NRXN1: variants seen among roughly 807,000 people sequenced by gnomAD.
NRXN1 encodes neurexin 1, also known as neurexin-1.
A neutral mutation model predicts 150.9 loss-of-function variants in NRXN1; 39 were observed. The ratio of observed to expected loss-of-function variants is 0.26; its 90% CI spans 0.20 to 0.34. The LOEUF (loss-of-function observed/expected upper bound fraction) is 0.34, where lower values mean the gene tolerates loss of function less well. Among genes scored for constraint, NRXN1 ranks in the 10% least tolerant of loss-of-function variants. The pLI, the probability that NRXN1 is intolerant of heterozygous loss-of-function variation, is 1.00. For missense variants in NRXN1, 1,815 were observed against 1,949.9 expected, an observed-to-expected ratio of 0.93 and a Z score of 1.30; for synonymous variants, 924 against 757.0, an observed-to-expected ratio of 1.22 and a Z score of -3.62.
At chr2:51,009,337 G>T (rs548352328) in intron 2 of NRXN1, 1 of 151,938 alleles carries the variant, frequency 6.6e-6, no homozygotes, top group Admixed American at 6.6e-5. Context: ...AAAATTTTAT[G>T]CAACAAATGC....
intron 17 of NRXN1, among the ~76,000 whole-genome samples, chr2:50,452,148 G>T (rs986394034): frequency 6.6e-6 from 1 of 152,120 alleles, no homozygotes; most frequent in African/African-American, 2.4e-5. Flanking sequence ...CTGTGTCTCA[G>T]GATTAATTCA....
At chr2:51,011,742 C>G (rs1667909948) in intron 2 of NRXN1, among the ~76,000 whole-genome samples, 1 of 151,952 alleles carries the variant, frequency 6.6e-6, no homozygotes, top group East Asian at 1.9e-4. Context: ...AAGTGCTTGC[C>G]TGCCATTCTT....
intron 17 of NRXN1, among the ~76,000 whole-genome samples, chr2:50,456,926 A>G (rs1322709785): frequency 6.6e-6 from 1 of 152,172 alleles, no homozygotes; most frequent in African/African-American, 2.4e-5. Context: ...TTTGGTGCAC[A>G]TTCATTGGTC....
At chr2:50,401,163 T>C (rs944077178) in intron 17 of NRXN1, among the ~76,000 whole-genome samples, 10 of 152,214 alleles carry the variant, frequency 6.6e-5, no homozygotes, top group African/African-American at 2.4e-4. Context: ...GCGCTTTGTT[T>C]AGGCCTTCAG....
chr2:50,864,335 C>A (rs2106050865), intron 5 of NRXN1, among the ~76,000 whole-genome samples: 1 of 152,104 alleles, frequency 6.6e-6, no homozygotes, highest in Non-Finnish European at 1.5e-5. Context: ...TGAACTTCAG[C>A]CTGATTTCAA....
At chr2:50,662,356 C>G (rs72837011) in intron 5 of NRXN1, among the ~76,000 whole-genome samples, 1 of 151,862 alleles carries the variant, frequency 6.6e-6, no homozygotes, top group Non-Finnish European at 1.5e-5. Context: ...GCTCCACTTT[C>G]CTATCTTCAA....
chr2:50,293,921 T>C (rs1209784472), intron 17 of NRXN1, among the ~76,000 whole-genome samples: 1 of 152,214 alleles, frequency 6.6e-6, no homozygotes, highest in South Asian at 2.1e-4. Context: ...GTAACCTAAA[T>C]GGGTCTCTTC....
chr2:50,078,759 G>C (rs1198104358), intron 19 of NRXN1, among the ~76,000 whole-genome samples: 1 of 152,076 alleles, frequency 6.6e-6, no homozygotes, highest in Admixed American at 6.6e-5. Flanking sequence ...AAGAAGTGAA[G>C]AGCCTTTCTT....
At chr2:50,146,498 C>T (rs906674364) in intron 18 of NRXN1, among the ~76,000 whole-genome samples, 1 of 151,558 alleles carries the variant, frequency 6.6e-6, no homozygotes, top group South Asian at 2.1e-4. Flanking sequence ...TAGAGTAATG[C>T]TAAATATTTA....
intron 5 of NRXN1, among the ~76,000 whole-genome samples, chr2:50,657,337 G>T (rs1398139633): frequency 6.6e-6 from 1 of 151,892 alleles, no homozygotes; most frequent in African/African-American, 2.4e-5. Context: ...CTAAGTCTTT[G>T]GTCCACTACC....
intron 21 of NRXN1, among the ~76,000 whole-genome samples, chr2:49,982,123 C>T (rs1203796403): frequency 3.9e-5 from 6 of 152,116 alleles, no homozygotes; most frequent in Admixed American, 2.6e-4. Flanking sequence ...CAGCCTTGGA[C>T]ATGCCGGGTC....
chr2:51,010,323 C>T (rs1667646512), intron 2 of NRXN1, among the ~76,000 whole-genome samples: 1 of 151,982 alleles, frequency 6.6e-6, no homozygotes, highest in Admixed American at 6.6e-5. Context: ...CCTTTTTATA[C>T]ATAAATAAGT....
rs1375970972 is a variant in NRXN1, at chr2:50,634,064, A to G, written c.833-10449T>C. On this transcript the variant is annotated intron_variant, in intron 5 of 22. Transcript: ENST00000401669. ...CACAGTGACACTGGGGCAATGTGGG[A>G]ATACAATGAAATCAGAGCTGTGGGA... Among the ~76,000 whole-genome samples the G allele has an allele frequency of 3.3e-5, 5 of 152,216 alleles. No individual in the cohort carries two copies. In the South Asian group the frequency reaches 8.3e-4, roughly 25 times the overall value.
intron 19 of NRXN1, among the ~76,000 whole-genome samples, chr2:50,061,980 C>A (rs1413672981): frequency 6.6e-6 from 1 of 151,906 alleles, no homozygotes; most frequent in Admixed American, 6.6e-5. Context: ...TGTAGTAATG[C>A]CATTGCAACA....
At chr2:51,003,213 C>T (rs1011758818) in intron 2 of NRXN1, among the ~76,000 whole-genome samples, 6 of 151,726 alleles carry the variant, frequency 4.0e-5, no homozygotes, top group Non-Finnish European at 5.9e-5. Flanking sequence ...AATGATTTAT[C>T]AAAGTAAAAT....
At chr2:50,105,040 A>G (rs1701450929) in intron 18 of NRXN1, among the ~76,000 whole-genome samples, 1 of 152,032 alleles carries the variant, frequency 6.6e-6, no homozygotes, top group South Asian at 2.1e-4. Context: ...ACATCAATCT[A>G]GTTACATTCA....
chr2:50,718,562 G>C (rs896775025), intron 5 of NRXN1, among the ~76,000 whole-genome samples: 2 of 152,132 alleles, frequency 1.3e-5, no homozygotes, highest in Non-Finnish European at 2.9e-5. Context: ...AAGTTCATAT[G>C]ATGATTTAAT....
chr2:50,954,854 T>G (rs1692010031), intron 2 of NRXN1, among the ~76,000 whole-genome samples: 1 of 152,166 alleles, frequency 6.6e-6, no homozygotes, highest in African/African-American at 2.4e-5. Context: ...CATGAGAGAC[T>G]TGATGGTATC....
intron 2 of NRXN1, among the ~76,000 whole-genome samples, chr2:51,018,662 G>A (rs898845576): frequency 6.6e-5 from 10 of 151,964 alleles, no homozygotes; most frequent in Non-Finnish European, 1.3e-4. Context: ...CTCTAACTCA[G>A]CAACTCTCAT....
Sources: gnomAD v4.1 joint callset for allele counts (sites outside exome capture counted in the v4.1 genomes callset) on GRCh38, gnomAD v4.1.1 for gene constraint, MANE v1.5 for transcripts, NCBI Gene and HGNC (gene_info 2026-07-23, HGNC 2026-07-21) for gene names.